The following HTRA3 variants were observed in gnomAD, a reference collection of about 807,000 sequenced individuals.
The protein encoded by HTRA3 is HtrA serine peptidase 3, also known as serine protease HTRA3.
A neutral mutation model predicts 43.2 loss-of-function variants in HTRA3; 41 were observed. The ratio of observed to expected loss-of-function variants is 0.95; its 90% confidence interval spans 0.74 to 1.23. The LOEUF (loss-of-function observed/expected upper bound fraction) is 1.23. Ranked by LOEUF, HTRA3 falls within the 50% of genes most tolerant of loss-of-function variation. The pLI, the probability that HTRA3 is intolerant of heterozygous loss-of-function variation, is 0.00. For missense variants in HTRA3, 628 were observed against 647.1 expected (o/e 0.97, Z 0.32); for synonymous variants, 295 against 287.9 (o/e 1.02, Z -0.25).
intron 8 of HTRA3, 59 bp from the exon 9 acceptor site, chr4:8,305,912 C>T: frequency 1.9e-6 from 3 of 1,597,964 alleles, no homozygotes; most frequent in South Asian, 1.1e-5. Context: ...CTGGGCCGGG[C>T]CTGGGAAGGC....
rs780043995 is a variant in HTRA3, at chr4:8,304,244, T to C, written c.1161T>C (p.Tyr387=). ...PDFPEVSSGI[Y]VQEVAPNSPS... is the part of the protein sequence containing the mutation. ...TCCCAGAGGTCAGCAGTGGAATTTA[T>C]GTGCAAGAGGTTGCGCCGAATTCAC... The change falls in exon 8 of 9, where the codon TAT becomes TAC. Residue 387 remains tyrosine, a synonymous_variant. Transcript: ENST00000307358. The C allele has an allele frequency of 6.2e-7, 1 of 1,614,192 alleles. No individual in the cohort carries two copies. The highest frequency in any genetic ancestry group is 8.5e-7 in the Non-Finnish European group (1 of 1,180,024).
intron 2 of HTRA3, among the ~76,000 whole-genome samples, chr4:8,285,990 A>T (rs929324907): frequency 6.6e-6 from 1 of 152,098 alleles, no homozygotes; most frequent in Non-Finnish European, 1.5e-5. Flanking sequence ...GCCTCTGGGG[A>T]GCCTCCCTTC....
intron 6 of HTRA3, among the ~76,000 whole-genome samples, chr4:8,294,707 T>C (rs202139222): frequency 0.099 from 57 of 574 alleles, no homozygotes; most frequent in East Asian, 0.19. Flanking sequence ...CATCCATCCA[T>C]CCACACCTTT....
At chr4:8,285,899 G>T (rs1268133509) in intron 2 of HTRA3, among the ~76,000 whole-genome samples, 1 of 152,232 alleles carries the variant, frequency 6.6e-6, no homozygotes, top group Admixed American at 6.5e-5. Context: ...TAGCCTGGGG[G>T]TGAGGGTAGA....
At chr4:8,288,899 G>GTCCTTCCTTCCTTCCTTCCTTCCTTCCT (rs1199752377) in intron 3 of HTRA3, among the ~76,000 whole-genome samples, 3 of 101,460 alleles carry the variant, frequency 3.0e-5, no homozygotes, top group Non-Finnish European at 6.3e-5. Flanking sequence ...CCTTCCGTCC[G>GTCCTTCCTTCCTTCCTTCCTTCCTTCCT]TCCTTCCTTC....
At chr4:8,284,639 T>C (rs1560136864) in intron 2 of HTRA3, among the ~76,000 whole-genome samples, 6 of 152,212 alleles carry the variant, frequency 3.9e-5, no homozygotes, top group Admixed American at 1.3e-4. Context: ...GTGCAGTTCC[T>C]ACTCTGGGGC....
In HTRA3 at chr4:8,302,517, T is replaced by G; in HGVS notation, c.1100+6T>G. The stretch of plus-strand genomic sequence containing the variant: ...ATGCGGACGATCACACCAAGGTGAG[T>G]GTCTGAAGAGTGCCATCCCCTGCTA... On this transcript the variant is annotated splice_donor_region_variant and intron_variant, in intron 7 of 8. Coordinates refer to ENST00000307358, the MANE Select transcript of HTRA3 (RefSeq NM_053044.5). 1.9e-6 allele frequency: 3 copies of G among 1,613,222 alleles called. No homozygotes were observed. Among genetic ancestry groups the G allele is most frequent in the Non-Finnish European group, 2.5e-6 (3 of 1,179,590 alleles).
At chr4:8,289,429 G>C (rs1046434497) in intron 3 of HTRA3, among the ~76,000 whole-genome samples, 6 of 152,222 alleles carry the variant, frequency 3.9e-5, no homozygotes, top group African/African-American at 1.4e-4. Context: ...TTGGGCCTTG[G>C]GCCAGTTTGC....
At chr4:8,276,556 G>A (rs555878171) in intron 1 of HTRA3, among the ~76,000 whole-genome samples, 36 of 152,382 alleles carry the variant, frequency 2.4e-4, no homozygotes, top group South Asian at 1.2e-3. Flanking sequence ...TGTAAGAGGA[G>A]GGCCAGGGGC....
intron 3 of HTRA3, among the ~76,000 whole-genome samples, chr4:8,287,959 A>C (rs968416247): frequency 7.9e-5 from 12 of 152,216 alleles, no homozygotes; most frequent in Non-Finnish European, 1.5e-4. Context: ...GAGGTCACTG[A>C]GTCCCATGTC....
chr4:8,290,475 C>T (rs111848699), intron 3 of HTRA3, among the ~76,000 whole-genome samples: 5,264 of 152,254 alleles, frequency 0.035, 313 homozygotes, highest in African/African-American at 0.12. Flanking sequence ...CGCAGATCCA[C>T]GGGAAGCTAC....
In HTRA3 at chr4:8,282,486, C is replaced by T. The variant is rs141664789; in HGVS notation, c.435C>T (p.Asp145=). Residue 145 remains aspartate (D), a synonymous_variant, in exon 2 of 9, where the codon GAC becomes GAT. Coordinates refer to ENST00000307358, the MANE Select transcript of HTRA3 (RefSeq NM_053044.5). ...GCTACAAGTTCAACTTCATTGCTGACGTGGTGGAGAAGATCGCACCAGCCG... is the reference window on the plus strand; with the variant it reads ...GCTACAAGTTCAACTTCATTGCTGATGTGGTGGAGAAGATCGCACCAGCCG... ...SPRYKFNFIA[D]VVEKIAPAVV... is the part of the protein sequence containing the mutation. 140 of 1,614,018 alleles carry T rather than the reference C, an allele frequency of 8.7e-5. No individual in the cohort carries two copies. The highest frequency in any genetic ancestry group is 1.1e-4 in the Non-Finnish European group (126 of 1,180,022).
Position 8,304,179 on chromosome 4 carries a change from T to G in HTRA3, c.1101-5T>G. The G allele has an allele frequency of 6.2e-7, 1 of 1,613,676 alleles. No individual in the cohort carries two copies. The highest frequency in any genetic ancestry group is 8.5e-7 in the Non-Finnish European group (1 of 1,179,654). On this transcript the variant is annotated splice_region_variant and splice_polypyrimidine_tract_variant and intron_variant, in intron 7 of 8. Transcript: ENST00000307358. ...GGAGGGGCCTTGACGGCAGACTCTT[T>G]CCAGCCTGGTGGATGAGCTGAAGGC...
chr4:8,279,878 G>A lies in HTRA3; in HGVS notation c.386-2559G>A, dbSNP rs926218407. 6.6e-6 allele frequency among the ~76,000 whole-genome samples: 1 copy of A among 152,174 alleles called. No individual in the cohort carries two copies. Among genetic ancestry groups the A allele is most frequent in the Non-Finnish European group, 1.5e-5 (1 of 68,036 alleles). ...TGGTGATGCTGTGCTGTCTCTGGTC[G>A]GTCACTGACTTGACCCTTGCCCCCA... On this transcript the variant is annotated intron_variant, in intron 1 of 8. Transcript: ENST00000307358. This position sits in a 1 kb window ranked among gnomAD's most constrained non-coding sequence, Gnocchi z 7.4.
intron 3 of HTRA3, among the ~76,000 whole-genome samples, chr4:8,291,004 T>A (rs1263075861): frequency 6.6e-6 from 1 of 152,182 alleles, no homozygotes; most frequent in African/African-American, 2.4e-5. Flanking sequence ...GGTGTAGTAG[T>A]TTTTACCAGG....
chr4:8,296,482 A>T lies in HTRA3; in HGVS notation c.1051+2281A>T. On this transcript the variant is annotated intron_variant, in intron 6 of 8. Transcript: ENST00000307358. This position sits in a 1 kb window ranked among gnomAD's most constrained non-coding sequence, Gnocchi z 5.3. The stretch of plus-strand genomic sequence containing the variant: ...AAAATCCAATGATCCAAACCCAGTT[A>T]ATCTAAAGTTCTTTGAAATGAACCA... 6.1e-6 allele frequency: 6 copies of T among 984,944 alleles called. No homozygotes were observed. The highest frequency in any genetic ancestry group is 7.2e-6 in the Non-Finnish European group (6 of 829,464). 61.0% of individuals were successfully genotyped at this position (984,944 alleles called of 1,614,324 possible). A position where few individuals can be genotyped will look rare whatever the true frequency, so the allele number is the denominator to read the frequency against.
At chr4:8,283,049 C>A (rs574678099) in intron 2 of HTRA3, among the ~76,000 whole-genome samples, 1 of 152,110 alleles carries the variant, frequency 6.6e-6, no homozygotes, top group Non-Finnish European at 1.5e-5. Flanking sequence ...GGGCAGCTCG[C>A]AAGCACCGAG....
intron 3 of HTRA3, among the ~76,000 whole-genome samples, chr4:8,291,128 G>A (rs1713220458): frequency 6.6e-6 from 1 of 152,178 alleles, no homozygotes; most frequent in African/African-American, 2.4e-5. Flanking sequence ...CCTGCCCTGG[G>A]GGAACCTCTG....
intron 6 of HTRA3, among the ~76,000 whole-genome samples, chr4:8,299,133 A>G (rs996914809): frequency 6.6e-6 from 1 of 152,138 alleles, no homozygotes; most frequent in African/African-American, 2.4e-5. Context: ...CTACCTCTCC[A>G]TTTATTTATA....
Sources: allele counts gnomAD v4.1 joint callset (sites outside exome capture counted in the v4.1 genomes callset), GRCh38; gene constraint gnomAD v4.1.1; non-coding constraint Gnocchi (gnomAD v3.1); transcripts MANE v1.5; gene names NCBI Gene and HGNC (gene_info 2026-07-23, HGNC 2026-07-21).